JARID2: variants seen among roughly 807,000 people sequenced by gnomAD.
The protein encoded by JARID2 is protein Jumonji.
Under a neutral mutation model 125.6 loss-of-function variants are expected in JARID2, and 21 were observed. That is an observed-to-expected ratio of 0.17 (90% CI 0.12 to 0.24). JARID2 has a LOEUF of 0.24. Among genes scored for constraint, JARID2 ranks in the 10% least tolerant of loss-of-function variants. The pLI is 1.00. For missense variants in JARID2, 1,303 were observed against 1,639.6 expected (o/e 0.79, Z 3.55); for synonymous variants, 736 against 661.6 (o/e 1.11, Z -1.73).
chr6:15,336,651 C>CT (rs10716567), intron 1 of JARID2, among the ~76,000 whole-genome samples: 3,582 of 133,106 alleles, frequency 0.027, 56 homozygotes, highest in Non-Finnish European at 0.038. Context: ...ATTCAGGATT[C>CT]TTTTTTTTTT....
In JARID2 at chr6:15,468,547, C is replaced by T. The variant is rs1401727572; in HGVS notation, c.499C>T (p.Pro167Ser). ...TGTTTTTCTTATTCCACCAGGTTCTCCTGCGCTGCCCAACAGCATGGTGTA... is the reference window on the plus strand; with the variant it reads ...TGTTTTTCTTATTCCACCAGGTTCTTCTGCGCTGCCCAACAGCATGGTGTA... Reference protein sequence around the residue: ...FLTFLCLRGSPALPNSMVYFG... With the variant: ...FLTFLCLRGSSALPNSMVYFG... The change falls in exon 5 of 18, where the codon CCT (proline) becomes TCT (serine). Residue 167 changes from proline (P) to serine (S), a missense_variant. By Grantham distance (74) the Pro-to-Ser change is moderately conservative (BLOSUM62 -1). This residue lies in a region of JARID2 where 651 missense variants were observed against 581.6 expected (regional missense o/e 1.12). Transcript: ENST00000341776. 6.2e-6 allele frequency: 10 copies of T among 1,612,492 alleles called. No individual in the cohort carries two copies. The highest frequency in any genetic ancestry group is 2.2e-5 in the South Asian group (2 of 90,956).
intron 1 of JARID2, 93 bp downstream of exon 1, chr6:15,246,677 T>C: frequency 9.0e-7 from 1 of 1,110,874 alleles, no homozygotes; most frequent in Non-Finnish European, 1.4e-6. Context: ...CTGAAGGGTT[T>C]TAAACACAGC....
At chr6:15,344,997 A>G (rs892164132) in intron 1 of JARID2, among the ~76,000 whole-genome samples, 4 of 152,196 alleles carry the variant, frequency 2.6e-5, no homozygotes, top group African/African-American at 7.2e-5. Context: ...GCAAAATCAT[A>G]TAATGCATGT....
chr6:15,331,568 T>C (rs1458608238), intron 1 of JARID2, among the ~76,000 whole-genome samples: 5 of 152,068 alleles, frequency 3.3e-5, no homozygotes, highest in African/African-American at 1.2e-4. Context: ...TGACTTCCAT[T>C]AATAGTACGG....
At chr6:15,433,569 C>A (rs549807140) in intron 3 of JARID2, among the ~76,000 whole-genome samples, 101 of 152,056 alleles carry the variant, frequency 6.6e-4, no homozygotes, top group Non-Finnish European at 1.4e-3. Flanking sequence ...GTGATTTAAT[C>A]TTGGATTTCC....
At chr6:15,480,976 G>A (rs1338862036) in intron 5 of JARID2, among the ~76,000 whole-genome samples, 1 of 152,222 alleles carries the variant, frequency 6.6e-6, no homozygotes, top group East Asian at 1.9e-4. Flanking sequence ...AAGCTCCCTG[G>A]AGGTATAGTT....
chr6:15,416,750 C>T lies in JARID2; in HGVS notation c.323+6385C>T, dbSNP rs185967786. Among the ~76,000 whole-genome samples, 82 of 151,084 alleles carry T rather than the reference C, an allele frequency of 5.4e-4. 1 individual carries two copies. In the East Asian group the frequency reaches 0.015, roughly 27 times the overall value. ...GGAGAGGGAGAGGGAGAGGGGCTAA[C>T]TTATATTGTTTAGAATGGAACCATT... On this transcript the variant is annotated intron_variant, in intron 3 of 17. Transcript: ENST00000341776.
chr6:15,296,830 T>C (rs1761433889), intron 1 of JARID2, among the ~76,000 whole-genome samples: 4 of 152,230 alleles, frequency 2.6e-5, no homozygotes. Context: ...TCTTGATCAC[T>C]TTATGGTTTT....
At chr6:15,413,445 G>A (rs1384812105) in intron 3 of JARID2, among the ~76,000 whole-genome samples, 1 of 152,134 alleles carries the variant, frequency 6.6e-6, no homozygotes, top group Non-Finnish European at 1.5e-5. Flanking sequence ...GCTGAGACGG[G>A]GTAACTTTAG....
intron 3 of JARID2, among the ~76,000 whole-genome samples, chr6:15,450,611 C>T (rs1210585718): frequency 6.6e-6 from 1 of 152,078 alleles, no homozygotes; most frequent in Non-Finnish European, 1.5e-5. Flanking sequence ...TTTTCCTGCC[C>T]TCAAAGAATG....
At position 15,431,085 on chromosome 6, in the gene JARID2, GAGCTTGT is replaced by G. The variant is rs1766947535; in HGVS notation, c.323+20723_323+20729del. 2.6e-5 allele frequency among the ~76,000 whole-genome samples: 4 copies of G among 152,266 alleles called. No individual in the cohort carries two copies. In the South Asian group the frequency reaches 6.2e-4, roughly 24 times the overall value. ...TGTGGACTGGCACTTGGCCTTTCTG[GAGCTTGT>G]AGTTTTTCCCCTTTGTAGGGAGTTG... On this transcript the variant is annotated intron_variant, in intron 3 of 17. Transcript: ENST00000341776.
At chr6:15,460,564 C>G (rs1202178807) in intron 4 of JARID2, among the ~76,000 whole-genome samples, 1 of 152,200 alleles carries the variant, frequency 6.6e-6, no homozygotes, top group Non-Finnish European at 1.5e-5. Flanking sequence ...ACTAAAGTCC[C>G]TGGTGTCTGT....
intron 3 of JARID2, among the ~76,000 whole-genome samples, chr6:15,445,973 T>G (rs1767656333): frequency 1.3e-5 from 2 of 152,190 alleles, no homozygotes; most frequent in Non-Finnish European, 2.9e-5. Flanking sequence ...TCTGCTGGGA[T>G]GGCTACTAAC....
chr6:15,247,350 T>C (rs1759218386), intron 1 of JARID2: 2 of 827,700 alleles, frequency 2.4e-6, no homozygotes, highest in Admixed American at 6.2e-5. Context: ...CTTGGAATAG[T>C]TAAATTTGTT....
At chr6:15,447,970 T>C (rs779935716) in intron 3 of JARID2, among the ~76,000 whole-genome samples, 2 of 152,232 alleles carry the variant, frequency 1.3e-5, no homozygotes, top group Non-Finnish European at 2.9e-5. Flanking sequence ...CTGTACTGTT[T>C]AGAGGGCTTA....
At chr6:15,292,211 C>T (rs574756580) in intron 1 of JARID2, among the ~76,000 whole-genome samples, 78 of 151,762 alleles carry the variant, frequency 5.1e-4, no homozygotes, top group African/African-American at 1.5e-3. Flanking sequence ...TTAGTAGAGA[C>T]GGGGTTTCAC....
intron 5 of JARID2, among the ~76,000 whole-genome samples, chr6:15,484,827 C>T (rs1769790474): frequency 6.6e-6 from 1 of 152,036 alleles, no homozygotes. Context: ...GGAAAAAGCA[C>T]AGAGAAGTTT....
chr6:15,435,755 A>G (rs1767172867), intron 3 of JARID2, among the ~76,000 whole-genome samples: 1 of 152,094 alleles, frequency 6.6e-6, no homozygotes, highest in Admixed American at 6.6e-5. Flanking sequence ...CTAATTTGAA[A>G]TCGAGTAGAT....
At chr6:15,506,848 TCATC>T (rs1400002094) in intron 9 of JARID2, among the ~76,000 whole-genome samples, 5 of 152,238 alleles carry the variant, frequency 3.3e-5, no homozygotes, top group African/African-American at 9.6e-5. Flanking sequence ...TAGATTTTGT[TCATC>T]CATCTGTGGA....
Sources: gnomAD v4.1 joint callset for allele counts (sites outside exome capture counted in the v4.1 genomes callset) on GRCh38, gnomAD v4.1.1 for gene constraint, gnomAD v4.1.1 regional missense constraint, MANE v1.5 for transcripts, NCBI Gene and HGNC (gene_info 2026-07-23, HGNC 2026-07-21) for gene names.